GRM8: variants seen among roughly 807,000 people sequenced by gnomAD.
GRM8 encodes glutamate metabotropic receptor 8, also known as metabotropic glutamate receptor 8.
GRM8 carries 47 observed loss-of-function variants against 87.2 expected under a neutral mutation model. The observed-to-expected ratio is 0.54, with a 90% CI of 0.43 to 0.69. The LOEUF is 0.69. GRM8 is among the 30% of genes least tolerant of loss of function. GRM8 has a pLI of 0.00. For missense variants in GRM8, 1,019 were observed against 1,139.2 expected, an observed-to-expected ratio of 0.89 and a Z score of 1.52; for synonymous variants, 396 against 404.5, an observed-to-expected ratio of 0.98 and a Z score of 0.25.
intron 3 of GRM8, among the ~76,000 whole-genome samples, chr7:127,051,765 A>AAAAAAG (rs1819513085): frequency 2.9e-5 from 4 of 138,146 alleles, no homozygotes; most frequent in African/African-American, 1.0e-4. Flanking sequence ...AAAAAAAAAA[A>AAAAAAG]GCAGGTTATA....
intron 3 of GRM8, among the ~76,000 whole-genome samples, chr7:127,055,333 G>A (rs1819877537): frequency 6.6e-6 from 1 of 152,140 alleles, no homozygotes; most frequent in Non-Finnish European, 1.5e-5. Flanking sequence ...GAGGTCAAAT[G>A]AGAATTAATA....
At chr7:126,537,499 G>A (rs1047540605) in intron 8 of GRM8, among the ~76,000 whole-genome samples, 15 of 152,258 alleles carry the variant, frequency 9.9e-5, no homozygotes, top group Middle Eastern at 6.8e-3. Flanking sequence ...TATTTGGACC[G>A]GACGTGGTGG....
chr7:127,140,045 T>C lies in GRM8; in HGVS notation c.511-33333A>G, dbSNP rs145742730. Among the ~76,000 whole-genome samples the C allele has an allele frequency of 7.2e-3, 1,100 of 152,260 alleles. 10 individuals carry two copies. Among genetic ancestry groups the C allele is most frequent in the South Asian group, 0.021 (99 of 4,822 alleles). On this transcript the variant is annotated intron_variant, in intron 2 of 10. Coordinates refer to ENST00000339582, the MANE Select transcript of GRM8 (RefSeq NM_000845.3). The stretch of plus-strand genomic sequence containing the variant: ...TATGCCTAGGCTATTTACTCTCTAG[T>C]CAAGTCATGTTTTGCCAACAACAAA...
intron 3 of GRM8, among the ~76,000 whole-genome samples, chr7:126,931,043 T>C (rs891994709): frequency 2.6e-5 from 4 of 152,144 alleles, no homozygotes; most frequent in Admixed American, 2.6e-4. Flanking sequence ...ACAATTTGTC[T>C]GTGAGCAGAG....
At chr7:127,043,019 A>G (rs1411669533) in intron 3 of GRM8, among the ~76,000 whole-genome samples, 1 of 152,252 alleles carries the variant, frequency 6.6e-6, no homozygotes, top group Non-Finnish European at 1.5e-5. Flanking sequence ...AAAAAGGCTC[A>G]ATCATCACTG....
intron 3 of GRM8, among the ~76,000 whole-genome samples, chr7:126,946,268 A>T (rs1318221270): frequency 6.6e-6 from 1 of 152,206 alleles, no homozygotes; most frequent in Non-Finnish European, 1.5e-5. Context: ...TTGGGAGGCC[A>T]AGGCAGGAGG....
intron 7 of GRM8, among the ~76,000 whole-genome samples, chr7:126,741,882 T>A (rs2151512176): frequency 6.6e-6 from 1 of 152,194 alleles, no homozygotes; most frequent in East Asian, 1.9e-4. Context: ...AAAATGGGGA[T>A]CCCAAGAGTA....
At chr7:126,611,918 A>C (rs1463144546) in intron 7 of GRM8, among the ~76,000 whole-genome samples, 1 of 152,220 alleles carries the variant, frequency 6.6e-6, no homozygotes, top group East Asian at 1.9e-4. Flanking sequence ...TCATTATTAA[A>C]ATCAAGTTAC....
chr7:126,995,057 T>C (rs1368083119), intron 3 of GRM8, among the ~76,000 whole-genome samples: 2 of 152,196 alleles, frequency 1.3e-5, no homozygotes, highest in African/African-American at 4.8e-5. Context: ...AAGAAAGACT[T>C]CATTTGTTTA....
At chr7:127,038,157 G>A (rs899380190) in intron 3 of GRM8, among the ~76,000 whole-genome samples, 2 of 152,092 alleles carry the variant, frequency 1.3e-5, no homozygotes, top group African/African-American at 2.4e-5. Context: ...TAAAGGAGAC[G>A]TTGACAGGAA....
chr7:126,943,356 T>A (rs987891906), intron 3 of GRM8, among the ~76,000 whole-genome samples: 1 of 152,094 alleles, frequency 6.6e-6, no homozygotes, highest in African/African-American at 2.4e-5. Context: ...GTGGGACACA[T>A]GGCAGAGCCC....
chr7:126,772,287 G>C (rs1387965348), intron 6 of GRM8, among the ~76,000 whole-genome samples: 1 of 152,170 alleles, frequency 6.6e-6, no homozygotes, highest in African/African-American at 2.4e-5. Flanking sequence ...AAATTTCAGA[G>C]AGAAGACTGA....
intron 7 of GRM8, among the ~76,000 whole-genome samples, chr7:126,696,046 G>T (rs1442259166): frequency 1.3e-5 from 2 of 152,136 alleles, no homozygotes; most frequent in Admixed American, 1.3e-4. Flanking sequence ...GGTAAAATGT[G>T]ATGACGTTCA....
At chr7:126,819,265 C>CACACAT (rs1794071866) in intron 6 of GRM8, among the ~76,000 whole-genome samples, 1 of 130,422 alleles carries the variant, frequency 7.7e-6, no homozygotes, top group East Asian at 2.4e-4. Flanking sequence ...CCTATTCAGA[C>CACACAT]AGACACACAT....
intron 3 of GRM8, among the ~76,000 whole-genome samples, chr7:127,077,971 G>A (rs1385980619): frequency 1.3e-5 from 2 of 152,152 alleles, no homozygotes; most frequent in East Asian, 3.9e-4. Context: ...CAGGGATGCT[G>A]GTAAACATCC....
At chr7:126,868,606 G>A (rs1377969043) in intron 6 of GRM8, among the ~76,000 whole-genome samples, 1 of 152,166 alleles carries the variant, frequency 6.6e-6, no homozygotes, top group Non-Finnish European at 1.5e-5. Flanking sequence ...TGCACGTTTT[G>A]TTCTAGACTA....
chr7:127,067,122 A>G (rs1315392549), intron 3 of GRM8, among the ~76,000 whole-genome samples: 1 of 152,168 alleles, frequency 6.6e-6, no homozygotes, highest in African/African-American at 2.4e-5. Flanking sequence ...CATTCCACAC[A>G]GCACCAACAG....
At chr7:127,146,267 T>G (rs1435868055) in intron 2 of GRM8, among the ~76,000 whole-genome samples, 1 of 152,074 alleles carries the variant, frequency 6.6e-6, no homozygotes, top group African/African-American at 2.4e-5. Flanking sequence ...AGAAAAGGCA[T>G]GCAGACCCTA....
At chr7:127,173,874 G>C (rs544968020) in intron 2 of GRM8, among the ~76,000 whole-genome samples, 1 of 152,302 alleles carries the variant, frequency 6.6e-6, no homozygotes, top group African/African-American at 2.4e-5. Flanking sequence ...GGTGCTACCT[G>C]ATGCTAAAAC....
Sources: allele counts gnomAD v4.1 joint callset (sites outside exome capture counted in the v4.1 genomes callset), GRCh38; gene constraint gnomAD v4.1.1; transcripts MANE v1.5; gene names NCBI Gene and HGNC (gene_info 2026-07-23, HGNC 2026-07-21).